Variants in SFSWAP observed in about 807,000 individuals in gnomAD.
The protein encoded by SFSWAP is splicing factor SWAP.
In SFSWAP, 17 loss-of-function variants were observed where a neutral mutation model predicts 100.7. That is an observed-to-expected ratio of 0.17 (90% confidence interval 0.12 to 0.25). The LOEUF is 0.25. Ranked by LOEUF, SFSWAP falls within the 10% of genes least tolerant of loss-of-function variation. SFSWAP has a pLI of 1.00. For missense variants in SFSWAP, 1,005 were observed against 1,262.6 expected (o/e 0.80, Z 3.09); for synonymous variants, 504 against 510.1 (o/e 0.99, Z 0.16).
At chr12:131,755,943 C>T (rs547437317) in intron 10 of SFSWAP, among the ~76,000 whole-genome samples, 5 of 152,266 alleles carry the variant, frequency 3.3e-5, no homozygotes, top group South Asian at 4.1e-4. Context: ...AGATCCCCAG[C>T]GTGGTGCTGG....
chr12:131,728,086 A>C (rs965223933), intron 6 of SFSWAP, among the ~76,000 whole-genome samples: 7 of 152,202 alleles, frequency 4.6e-5, no homozygotes, highest in Admixed American at 4.6e-4. Context: ...GTTATTTTGG[A>C]AATTGAAACC....
intron 13 of SFSWAP, among the ~76,000 whole-genome samples, chr12:131,773,837 C>A (rs1264947685): frequency 6.6e-6 from 1 of 152,210 alleles, no homozygotes; most frequent in Non-Finnish European, 1.5e-5. Context: ...TTGCTGTTCA[C>A]ACATGGGCAT....
chr12:131,787,784 T>C (rs561698796), intron 15 of SFSWAP, among the ~76,000 whole-genome samples: 2 of 152,138 alleles, frequency 1.3e-5, no homozygotes. Context: ...CCACAGCAGG[T>C]CCTCCCCACA....
intron 7 of SFSWAP, among the ~76,000 whole-genome samples, chr12:131,738,344 C>T (rs1440892480): frequency 6.6e-6 from 1 of 152,104 alleles, no homozygotes; most frequent in African/African-American, 2.4e-5. Flanking sequence ...CATTAGTGAA[C>T]ATCATTAGCA....
Position 131,733,174 on chromosome 12 carries a change from A to T in SFSWAP, c.1081+4746A>T, listed in dbSNP as rs1879670609. Among the ~76,000 whole-genome samples the T allele has an allele frequency of 1.3e-5, 2 of 152,200 alleles. No individual in the cohort carries two copies. Among genetic ancestry groups the T allele is most frequent in the African/African-American group, 4.8e-5 (2 of 41,458 alleles). On this transcript the variant is annotated intron_variant, in intron 7 of 17. Coordinates refer to ENST00000261674, the MANE Select transcript of SFSWAP (RefSeq NM_004592.4). The surrounding 1 kb of genome is among the most constrained non-coding windows in gnomAD (Gnocchi z 5.1). The stretch of plus-strand genomic sequence containing the variant: ...GCCATGGACTTGAAACGTCAGCTGT[A>T]TGAGAGCGGGCGGGGGATGGCGCGG...
rs542092511 is a variant in SFSWAP at position 131,734,994 on chromosome 12, G to A, written c.1081+6566G>A. Among the ~76,000 whole-genome samples the A allele has an allele frequency of 3.9e-5, 6 of 152,306 alleles. No homozygotes were observed. Among genetic ancestry groups the A allele is most frequent in the South Asian group, 4.1e-4 (2 of 4,822 alleles). ...TGTCCGTGAAGGTGACGCTCATACC[G>A]TAACCTTAGCAGCAGGCTGTTGCCA... On this transcript the variant is annotated intron_variant, in intron 7 of 17. Coordinates refer to ENST00000261674, the MANE Select transcript of SFSWAP (RefSeq NM_004592.4). The surrounding 1 kb of genome is among the most constrained non-coding windows in gnomAD (Gnocchi z 4.9).
At chr12:131,799,218 G>A (rs773137327) in intron 17 of SFSWAP, 109 bp downstream of exon 17, 2 of 1,082,182 alleles carry the variant, frequency 1.8e-6, no homozygotes, top group Non-Finnish European at 2.8e-6. Flanking sequence ...CATGGGACAG[G>A]GATCTCGGGC....
At chr12:131,728,539 G>A in intron 7 of SFSWAP, 111 bp downstream of exon 7, 1 of 1,247,596 alleles carries the variant, frequency 8.0e-7, no homozygotes. Flanking sequence ...AAGTATGGAA[G>A]CAGGCGGCCC....
At chr12:131,724,684 C>T (rs1283617336) in intron 4 of SFSWAP, among the ~76,000 whole-genome samples, 1 of 152,226 alleles carries the variant, frequency 6.6e-6, no homozygotes. Flanking sequence ...ATGCTAAGAG[C>T]ATGAGGTTCG....
At chr12:131,772,974 T>C (rs543535441) in intron 13 of SFSWAP, among the ~76,000 whole-genome samples, 1 of 152,170 alleles carries the variant, frequency 6.6e-6, no homozygotes, top group Non-Finnish European at 1.5e-5. Flanking sequence ...CAAACTCCTC[T>C]CCAACATCCA....
rs753145139 is a variant in SFSWAP, at chr12:131,799,479, C to T, written c.2847C>T (p.Ser949=). The change falls in exon 18 of 18, where the codon AGC becomes AGT. Residue 949 remains serine (S), a synonymous_variant. Transcript: ENST00000261674. The part of the protein sequence containing the change: ...MLAASKNLQT[S]AS Reference sequence around the variant, plus strand: ...CAGCTTCCAAAAACCTGCAAACCAGCGCTTCCTGAGACGGGGCCAGCGGAG... The same window carrying T: ...CAGCTTCCAAAAACCTGCAAACCAGTGCTTCCTGAGACGGGGCCAGCGGAG... 6.8e-6 allele frequency: 11 copies of T among 1,613,940 alleles called. No individual in the cohort carries two copies. The South Asian group carries it at 7.7e-5, about 11-fold the overall frequency.
At chr12:131,758,158 C>G in intron 11 of SFSWAP, 1 of 153,216 alleles carries the variant, frequency 6.5e-6, no homozygotes, top group Admixed American at 6.5e-5. Flanking sequence ...GGCGCCTGAC[C>G]CAGCCAGCTA....
At chr12:131,790,909 T>C (rs1272581303) in intron 15 of SFSWAP, among the ~76,000 whole-genome samples, 1 of 152,112 alleles carries the variant, frequency 6.6e-6, no homozygotes, top group Non-Finnish European at 1.5e-5. Context: ...AAAAAGCCAA[T>C]AGCAGATATA....
rs938264332 is a variant in SFSWAP at position 131,734,267 on chromosome 12, C to G, written c.1081+5839C>G. On this transcript the variant is annotated intron_variant, in intron 7 of 17. Coordinates refer to ENST00000261674, the MANE Select transcript of SFSWAP (RefSeq NM_004592.4). This position sits in a 1 kb window ranked among gnomAD's most constrained non-coding sequence, Gnocchi z 4.9. ...GGACAGGGCCCACACACTGGATTCA[C>G]GTTTTTCCTCACAACTTAGAATAGC... Among the ~76,000 whole-genome samples the G allele has an allele frequency of 6.6e-6, 1 of 152,212 alleles. No homozygotes were observed. Among genetic ancestry groups the G allele is most frequent in the Non-Finnish European group, 1.5e-5 (1 of 68,028 alleles).
At chr12:131,723,597 G>A (rs1878686396) in intron 4 of SFSWAP, among the ~76,000 whole-genome samples, 2 of 152,158 alleles carry the variant, frequency 1.3e-5, no homozygotes, top group Admixed American at 1.3e-4. Flanking sequence ...TGAGGAGAGG[G>A]CTGGCCCCAC....
Position 131,764,323 on chromosome 12 carries a change from C to T in SFSWAP, c.1721-133C>T, listed in dbSNP as rs1422902921. The T allele has an allele frequency of 8.6e-6, 6 of 698,686 alleles. No homozygotes were observed. In the East Asian group the frequency reaches 1.1e-4, roughly 13 times the overall value. The allele number at this position is 698,686 out of a possible 1,614,324, so 43.3% of individuals were successfully genotyped here. On this transcript the variant is annotated intron_variant, in intron 11 of 17. Coordinates refer to ENST00000261674, the MANE Select transcript of SFSWAP (RefSeq NM_004592.4). ...TGCTCTGACGGCACGGCGTCCCCCA[C>T]CGTAGACCCTGCATATGATGTGGCT...
intron 15 of SFSWAP, chr12:131,796,901 G>A (rs1395664165): frequency 2.7e-6 from 1 of 366,508 alleles, no homozygotes; most frequent in Non-Finnish European, 4.9e-6. Flanking sequence ...ACTGCCTGTG[G>A]TGGCTTATCT....
At chr12:131,791,225 A>T (rs11246808) in intron 15 of SFSWAP, among the ~76,000 whole-genome samples, 15,063 of 150,500 alleles carry the variant, frequency 0.1, 983 homozygotes, top group East Asian at 0.29. Flanking sequence ...AAACCCCGTC[A>T]CTACTAAAAA....
chr12:131,787,329 A>G (rs1593190663), intron 15 of SFSWAP, among the ~76,000 whole-genome samples: 1 of 151,976 alleles, frequency 6.6e-6, no homozygotes, highest in Non-Finnish European at 1.5e-5. Context: ...GTGGACGGCC[A>G]CCTCCATTGG....
Sources: gnomAD v4.1 joint callset for allele counts (sites outside exome capture counted in the v4.1 genomes callset) on GRCh38, gnomAD v4.1.1 for gene constraint, Gnocchi (gnomAD v3.1) non-coding constraint, MANE v1.5 for transcripts, NCBI Gene and HGNC (gene_info 2026-07-23, HGNC 2026-07-21) for gene names.